ANO4: variants seen among roughly 807,000 people sequenced by gnomAD.
ANO4 encodes anoctamin-4.
A neutral mutation model predicts 141.9 loss-of-function variants in ANO4; 69 were observed. The ratio of observed to expected loss-of-function variants is 0.49; its 90% CI spans 0.40 to 0.59. ANO4 has a LOEUF of 0.59. ANO4 is among the 20% of genes least tolerant of loss of function. ANO4 has a pLI of 0.00. For synonymous variants in ANO4, 350 were observed against 394.3 expected, an observed-to-expected ratio of 0.89 and a Z score of 1.33; for missense variants, 894 against 1,162.2, an observed-to-expected ratio of 0.77 and a Z score of 3.36.
intron 14 of ANO4, among the ~76,000 whole-genome samples, chr12:101,057,633 CAT>C (rs1474901292): frequency 2.0e-5 from 3 of 152,178 alleles, no homozygotes; most frequent in African/African-American, 7.2e-5. Context: ...AGCTTTTTTT[CAT>C]ATGTTTGTTG....
At chr12:100,791,357 C>A (rs1386561954), upstream of ANO4, among the ~76,000 whole-genome samples, 1 of 152,082 alleles carries the variant, frequency 6.6e-6, no homozygotes, top group Non-Finnish European at 1.5e-5. Context: ...TTGCAGTGAG[C>A]CGAGATCGCA....
intron 1 of ANO4, among the ~76,000 whole-genome samples, chr12:100,807,861 C>T (rs1344171993): frequency 1.3e-5 from 2 of 152,156 alleles, no homozygotes; most frequent in African/African-American, 4.8e-5. Context: ...CAGCTCCATC[C>T]ATGTCCATCC....
chr12:100,935,767 T>C (rs1012485204), intron 3 of ANO4, among the ~76,000 whole-genome samples: 1 of 152,208 alleles, frequency 6.6e-6, no homozygotes, highest in African/African-American at 2.4e-5. Context: ...AATATACTTA[T>C]TGATTAAAAT....
At chr12:101,108,152 T>C (rs2050521468) in intron 22 of ANO4, among the ~76,000 whole-genome samples, 1 of 152,118 alleles carries the variant, frequency 6.6e-6, no homozygotes, top group African/African-American at 2.4e-5. Flanking sequence ...TGAGAACCCT[T>C]ATCAGAGAGA....
intron 8 of ANO4, among the ~76,000 whole-genome samples, chr12:100,994,332 T>C (rs570467209): frequency 2.0e-5 from 3 of 152,358 alleles, no homozygotes; most frequent in African/African-American, 7.2e-5. Flanking sequence ...TGCCTGTGAA[T>C]GTTGCCCTGC....
rs576320552 is a variant in ANO4, at chr12:100,733,727, G to A, written c.23-47G>A. On this transcript the variant is annotated intron_variant, in intron 1 of 29. Coordinates refer to the ANO4 transcript ENST00000644049. ...CATATATTTACATTGTGGTCATGGT[G>A]TCTACTAAGTTATAATTAACCTTCT... 1.7e-3 allele frequency: 1,176 copies of A among 683,948 alleles called. 26 individuals are homozygous for A. The South Asian group carries it at 0.018, about 10-fold the overall frequency. The allele number at this position is 683,948 out of a possible 1,614,324, so 42.4% of individuals were successfully genotyped here. A position where few individuals can be genotyped will look rare whatever the true frequency, so the allele number is the denominator to read the frequency against.
intron 1 of ANO4, among the ~76,000 whole-genome samples, chr12:100,725,056 C>T (rs973203747): frequency 3.9e-5 from 6 of 152,036 alleles, no homozygotes; most frequent in Admixed American, 2.6e-4. Flanking sequence ...TTCTAGTGCG[C>T]CAGTGTAGGT....
At chr12:100,876,621 A>G (rs2039321211) in intron 1 of ANO4, among the ~76,000 whole-genome samples, 1 of 152,232 alleles carries the variant, frequency 6.6e-6, no homozygotes, top group South Asian at 2.1e-4. Flanking sequence ...AATGGAGGAC[A>G]TGTGGAGGAG....
intron 1 of ANO4, among the ~76,000 whole-genome samples, chr12:100,720,682 C>A (rs1013133996): frequency 1.3e-5 from 2 of 152,132 alleles, no homozygotes; most frequent in Non-Finnish European, 2.9e-5. Flanking sequence ...TGGTTAGATA[C>A]CTCCCAGATG....
rs567006628 is a variant in ANO4, at chr12:100,756,985, CACTCTG to C, written c.358+16885_358+16890del. On this transcript the variant is annotated intron_variant, in intron 3 of 29. Transcript: ENST00000644049. ...ATTTCCATCTGGGATGTCCTGCAGG[CACTCTG>C]ACTCAGATTAGCCAAAAATCGTCCT... Among the ~76,000 whole-genome samples, 16 of 152,278 alleles carry C rather than the reference CACTCTG, an allele frequency of 1.1e-4. No individual in the cohort carries two copies. The East Asian group carries it at 3.1e-3, about 29-fold the overall frequency.
chr12:101,048,833 G>A (rs2047742574), intron 14 of ANO4, among the ~76,000 whole-genome samples: 1 of 152,126 alleles, frequency 6.6e-6, no homozygotes, highest in African/African-American at 2.4e-5. Flanking sequence ...TCACAGGACT[G>A]ATTTGAGCTT....
upstream of ANO4, among the ~76,000 whole-genome samples, chr12:100,791,621 A>T (rs1032960196): frequency 1.3e-5 from 2 of 152,326 alleles, no homozygotes; most frequent in African/African-American, 2.4e-5. Context: ...TTCATGTAAC[A>T]TGGTGGGAAG....
At chr12:101,046,090 C>T (rs951814038) in intron 13 of ANO4, among the ~76,000 whole-genome samples, 3 of 152,242 alleles carry the variant, frequency 2.0e-5, no homozygotes, top group Admixed American at 1.3e-4. Context: ...GAGAGGACAG[C>T]GTGCCCCAGG....
chr12:100,769,220 G>A (rs2033203468), intron 3 of ANO4, among the ~76,000 whole-genome samples: 1 of 152,150 alleles, frequency 6.6e-6, no homozygotes, highest in Admixed American at 6.5e-5. Context: ...CCTCATCAAG[G>A]ATGAAAGAAT....
chr12:100,874,655 A>G (rs904188908), intron 1 of ANO4, among the ~76,000 whole-genome samples: 3 of 151,956 alleles, frequency 2.0e-5, no homozygotes, highest in Non-Finnish European at 4.4e-5. Context: ...AAGTAGATGG[A>G]ATTACAGGTA....
At chr12:101,066,810 A>G (rs2048608568) in intron 14 of ANO4, 5 of 1,389,304 alleles carry the variant, frequency 3.6e-6, no homozygotes, top group African/African-American at 1.4e-5. Flanking sequence ...GTGGACCTGA[A>G]TGTTGATCCC....
rs542098966 is a variant in ANO4 at position 100,993,765 on chromosome 12, C to T, written c.734+6095C>T. Among the ~76,000 whole-genome samples the T allele has an allele frequency of 1.2e-4, 18 of 152,168 alleles. No homozygotes were observed. In the East Asian group the frequency reaches 3.3e-3, roughly 28 times the overall value. On this transcript the variant is annotated intron_variant, in intron 8 of 27. Transcript: ENST00000392977. ...GTATATAGCACTTTCACACACATTT[C>T]GTAGTCTAGAGCTTAGTCATGTAGT...
At chr12:100,915,186 G>A (rs2041281552) in intron 2 of ANO4, among the ~76,000 whole-genome samples, 1 of 151,902 alleles carries the variant, frequency 6.6e-6, no homozygotes, top group Non-Finnish European at 1.5e-5. Context: ...TTCACCTATG[G>A]GGAGTTCAAT....
chr12:101,033,467 TAATA>T (rs1376148181), intron 9 of ANO4, among the ~76,000 whole-genome samples: 8 of 151,714 alleles, frequency 5.3e-5, no homozygotes, highest in Non-Finnish European at 1.2e-4. Flanking sequence ...TAAAGTATAA[TAATA>T]ATAATAATAA....
Sources: allele counts gnomAD v4.1 joint callset (sites outside exome capture counted in the v4.1 genomes callset), GRCh38; gene constraint gnomAD v4.1.1; transcripts MANE v1.5; gene names NCBI Gene and HGNC (gene_info 2026-07-23, HGNC 2026-07-21).